The following WDR59 variants were observed in gnomAD, a reference collection of about 807,000 sequenced individuals.
WDR59 encodes GATOR2 complex protein WDR59.
A neutral mutation model predicts 131.2 loss-of-function variants in WDR59; 100 were observed. The observed-to-expected ratio is 0.76, with a 90% CI of 0.65 to 0.90. The LOEUF (loss-of-function observed/expected upper bound fraction) is 0.90, where lower values mean the gene tolerates loss of function less well. Ranked by LOEUF, WDR59 falls within the 40% of genes least tolerant of loss-of-function variation. The probability of loss-of-function intolerance (pLI) is 0.00; values close to 1 mark genes in which losing one functional copy is unlikely to be tolerated. For synonymous variants in WDR59, 601 were observed against 466.2 expected (o/e 1.29, Z -3.72); for missense variants, 1,203 against 1,262.2 (o/e 0.95, Z 0.71).
chr16:74,924,009 A>G lies in WDR59; in HGVS notation c.652-6T>C. The G allele has an allele frequency of 6.2e-7, 1 of 1,613,084 alleles. No homozygotes were observed. Among genetic ancestry groups the G allele is most frequent in the Non-Finnish European group, 8.5e-7 (1 of 1,179,738 alleles). On this transcript the variant is annotated splice_region_variant and splice_polypyrimidine_tract_variant and intron_variant, in intron 8 of 25. Coordinates refer to ENST00000262144, the MANE Select transcript of WDR59 (RefSeq NM_030581.4). Reference sequence around the variant, plus strand: ...GGCTGGCGGTAATCCCAGAACTAGAAGAGAGCAAGCAAGATCATTTGTGAA... The same window carrying G: ...GGCTGGCGGTAATCCCAGAACTAGAGGAGAGCAAGCAAGATCATTTGTGAA...
In WDR59 at chr16:74,956,735, G is replaced by T. The variant is rs114672514; in HGVS notation, c.105-125C>A. 6 of 1,197,914 alleles carry T rather than the reference G, an allele frequency of 5.0e-6. No homozygotes were observed. The African/African-American group carries it at 7.7e-5, about 15-fold the overall frequency. 74.2% of individuals were successfully genotyped at this position (1,197,914 alleles called of 1,614,324 possible). A position where few individuals can be genotyped will look rare whatever the true frequency, so the allele number is the denominator to read the frequency against. On this transcript the variant is annotated intron_variant, in intron 2 of 25. Transcript: ENST00000262144. The stretch of plus-strand genomic sequence containing the variant: ...GCTCCAAAAAACCCAAACACACATG[G>T]CATTTATTTACTCTGAAAGGCAAAG...
chr16:74,889,569 G>C (rs1436312312), intron 21 of WDR59, 134 bp downstream of exon 21: 5 of 658,494 alleles, frequency 7.6e-6, no homozygotes, highest in Non-Finnish European at 1.3e-5. Context: ...TTTCAGCACT[G>C]AAAGGAAAGA....
At chr16:74,895,091 G>A (rs1306263096) in intron 18 of WDR59, among the ~76,000 whole-genome samples, 1 of 152,202 alleles carries the variant, frequency 6.6e-6, no homozygotes, top group African/African-American at 2.4e-5. Flanking sequence ...TCCAATGCAT[G>A]TAACTTCCTA....
At chr16:74,941,816 T>A (rs1439485081) in intron 7 of WDR59, among the ~76,000 whole-genome samples, 1 of 152,190 alleles carries the variant, frequency 6.6e-6, no homozygotes, top group Non-Finnish European at 1.5e-5. Context: ...TGGAGCCTAA[T>A]GCAGCAGACA....
At chr16:74,974,255 TG>T (rs751448974) in intron 1 of WDR59, among the ~76,000 whole-genome samples, 1 of 152,164 alleles carries the variant, frequency 6.6e-6, no homozygotes, top group Non-Finnish European at 1.5e-5. Context: ...TGGCCCACAC[TG>T]GGTACTACTA....
At chr16:74,950,913 T>C (rs1000459056) in intron 4 of WDR59, among the ~76,000 whole-genome samples, 6 of 148,990 alleles carry the variant, frequency 4.0e-5, no homozygotes, top group Non-Finnish European at 8.9e-5. Flanking sequence ...CCCAACACTT[T>C]GGGAGGCCAA....
At chr16:74,916,494 G>C (rs894835959) in intron 11 of WDR59, among the ~76,000 whole-genome samples, 1 of 152,122 alleles carries the variant, frequency 6.6e-6, no homozygotes, top group African/African-American at 2.4e-5. Context: ...CAGAGTTTAT[G>C]CAAGCCTCAG....
chr16:74,941,225 C>G (rs138381677), intron 7 of WDR59, among the ~76,000 whole-genome samples: 2,441 of 150,938 alleles, frequency 0.016, 69 homozygotes, highest in African/African-American at 0.056. Flanking sequence ...CCTGTAGTCC[C>G]AGTTACTCAG....
At chr16:74,970,418 C>A (rs920424905) in intron 1 of WDR59, among the ~76,000 whole-genome samples, 7 of 146,704 alleles carry the variant, frequency 4.8e-5, no homozygotes, top group Middle Eastern at 3.6e-3. Flanking sequence ...ATGGCATGAA[C>A]CCAGGAGGCG....
At position 74,893,766 on chromosome 16, in the gene WDR59, T is replaced by C; in HGVS notation, c.1913A>G (p.Asn638Ser). 6.2e-7 allele frequency: 1 copy of C among 1,614,166 alleles called. No individual in the cohort carries two copies. Among genetic ancestry groups the C allele is most frequent in the South Asian group, 1.1e-5 (1 of 91,084 alleles). ...KSKREGSDSG[N>S]RQIKAAGKVI... ...TTTCCCAGCAGCCTTGATCTGTCGA[T>C]TGCCAGAGTCTGATCCCTCACGCTT... The change falls in exon 19 of 26, where the codon AAT (asparagine) becomes AGT (serine). Residue 638 changes from asparagine to serine, a missense_variant. Asn to Ser is a conservative substitution (Grantham distance 46). Transcript: ENST00000262144.
chr16:74,912,213 T>C lies in WDR59; in HGVS notation c.1374A>G (p.Lys458=). The change falls in exon 14 of 26, where the codon AAA becomes AAG. Residue 458 remains lysine (K), a synonymous_variant. Coordinates refer to ENST00000262144, the MANE Select transcript of WDR59 (RefSeq NM_030581.4). ...AGACCCCCACCTTCAGCAGCTTAGC[T>C]TTCATGGTGGATGTGATGGTTGTGG... ...INPTTITSTM[K]AKLLKILKDT... The C allele has an allele frequency of 1.2e-6, 2 of 1,614,178 alleles. No individual in the cohort carries two copies. Among genetic ancestry groups the C allele is most frequent in the Non-Finnish European group, 1.7e-6 (2 of 1,180,022 alleles).
intron 8 of WDR59, among the ~76,000 whole-genome samples, chr16:74,927,732 T>C (rs978994631): frequency 2.7e-5 from 4 of 150,318 alleles, no homozygotes; most frequent in Middle Eastern, 3.2e-3. Flanking sequence ...CTCAGCTTTC[T>C]CATTTTCAGT....
At chr16:74,899,185 GA>G (rs1199389006) in intron 18 of WDR59, among the ~76,000 whole-genome samples, 1 of 152,112 alleles carries the variant, frequency 6.6e-6, no homozygotes, top group African/African-American at 2.4e-5. Context: ...TGATGGTAAG[GA>G]AAAAAATTTG....
chr16:74,949,974 G>A (rs1486934809), intron 4 of WDR59, 176 bp from the exon 5 acceptor site: 1 of 672,474 alleles, frequency 1.5e-6, no homozygotes, highest in Non-Finnish European at 2.7e-6. Flanking sequence ...AGTTTGGAAG[G>A]AAACTGTCAG....
At chr16:74,892,390 C>T in intron 20 of WDR59, 94 bp downstream of exon 20, 2 of 1,064,530 alleles carry the variant, frequency 1.9e-6, no homozygotes, top group Admixed American at 4.0e-5. Context: ...TTAAGACACA[C>T]ACTTTGAAAA....
rs916475570 is a variant in WDR59 at position 74,890,777 on chromosome 16, A to C, written c.2083-962T>G. Among the ~76,000 whole-genome samples, 10 of 152,304 alleles carry C rather than the reference A, an allele frequency of 6.6e-5. 1 individual carries two copies. On this transcript the variant is annotated intron_variant, in intron 20 of 25. Transcript: ENST00000262144. ...TCTATTAAGTCCAAGGCACAGGCTA[A>C]ACCCATCATGTCATAAGCAAAGTTC...
chr16:74,888,639 C>A (rs1471938274), intron 21 of WDR59, among the ~76,000 whole-genome samples: 2 of 152,210 alleles, frequency 1.3e-5, no homozygotes, highest in Admixed American at 6.5e-5. Flanking sequence ...ACTAACCTGA[C>A]ATCTGAGCGA....
chr16:74,951,461 A>G lies in WDR59; in HGVS notation c.323T>C (p.Ile108Thr), dbSNP rs376959530. The stretch of plus-strand genomic sequence containing the variant: ...GCTGTGGAGGGCTGGTGCCTACCTG[A>G]TGACACGAGTGTGGCCTTGTAAGGT... ...GTTLQGHTRV[I>T]SDLDWAVFEP... The change falls in exon 4 of 26, where the codon ATC becomes ACC. Residue 108 changes from isoleucine (I) to threonine (T), a missense_variant. By Grantham distance (89) the Ile-to-Thr change is moderately conservative. Coordinates refer to ENST00000262144, the MANE Select transcript of WDR59 (RefSeq NM_030581.4). The G allele has an allele frequency of 1.7e-5, 27 of 1,596,472 alleles. No homozygotes were observed. Among genetic ancestry groups the G allele is most frequent in the Non-Finnish European group, 2.2e-5 (26 of 1,171,896 alleles).
At chr16:74,927,018 T>C (rs1232097883) in intron 8 of WDR59, among the ~76,000 whole-genome samples, 1 of 152,174 alleles carries the variant, frequency 6.6e-6, no homozygotes, top group Non-Finnish European at 1.5e-5. Flanking sequence ...GCACAGCACA[T>C]ATGAACGGGC....
Sources: allele counts gnomAD v4.1 joint callset (sites outside exome capture counted in the v4.1 genomes callset), GRCh38; gene constraint gnomAD v4.1.1; transcripts MANE v1.5; gene names NCBI Gene and HGNC (gene_info 2026-07-23, HGNC 2026-07-21).